Variants in LACTB observed in about 807,000 individuals in gnomAD.
LACTB encodes lactamase beta, also known as serine beta-lactamase-like protein LACTB, mitochondrial.
LACTB carries 35 observed loss-of-function variants against 50.2 expected under a neutral mutation model. The ratio of observed to expected loss-of-function variants is 0.70; its 90% confidence interval spans 0.53 to 0.92. The LOEUF (loss-of-function observed/expected upper bound fraction) is 0.92. Ranked by LOEUF, LACTB falls within the 40% of genes least tolerant of loss-of-function variation. The pLI, the probability that LACTB is intolerant of heterozygous loss-of-function variation, is 0.00. For missense variants in LACTB, 664 were observed against 691.8 expected (o/e 0.96, Z 0.45); for synonymous variants, 252 against 268.2 (o/e 0.94, Z 0.59).
chr15:63,122,137 C>G lies in LACTB; in HGVS notation c.266C>G (p.Ala89Gly), dbSNP rs1566988427. 13 of 1,500,374 alleles carry G rather than the reference C, an allele frequency of 8.7e-6. No individual in the cohort carries two copies. Among genetic ancestry groups the G allele is most frequent in the Non-Finnish European group, 1.1e-5 (13 of 1,132,636 alleles). 92.9% of individuals were successfully genotyped at this position (1,500,374 alleles called of 1,614,324 possible). The change falls in exon 1 of 6, where the codon GCC becomes GGC. Residue 89 changes from alanine (A) to glycine (G), a missense_variant. Transcript: ENST00000261893. ...LAEPPQEQSL[A>G]PWSPQTPAPP... is the part of the protein sequence containing the mutation. Reference sequence around the variant, plus strand: ...GAGCCGCCACAGGAGCAGTCCCTCGCCCCGTGGTCTCCGCAGACCCCGGCG... The same window carrying G: ...GAGCCGCCACAGGAGCAGTCCCTCGGCCCGTGGTCTCCGCAGACCCCGGCG...
intron 5 of LACTB, among the ~76,000 whole-genome samples, chr15:63,135,328 G>C (rs1026167004): frequency 1.3e-5 from 2 of 152,150 alleles, no homozygotes; most frequent in African/African-American, 4.8e-5. Flanking sequence ...ATTTCTTGGG[G>C]ACCCAAAATA....
At chr15:63,122,397 T>G (rs1411947639) in intron 1 of LACTB, among the ~76,000 whole-genome samples, 169 bp downstream of exon 1, 2 of 152,036 alleles carry the variant, frequency 1.3e-5, no homozygotes, top group Non-Finnish European at 2.9e-5. Flanking sequence ...CTCTTGGGGG[T>G]TCCCCAAATC....
chr15:63,129,988 T>G (rs1244915920), intron 5 of LACTB: 1 of 168,320 alleles, frequency 5.9e-6, no homozygotes, highest in African/African-American at 2.4e-5. Flanking sequence ...AGTTTTTAAT[T>G]GTTTTCATAC....
intron 5 of LACTB, among the ~76,000 whole-genome samples, chr15:63,138,861 G>C (rs905878579): frequency 1.3e-5 from 2 of 151,062 alleles, no homozygotes; most frequent in Admixed American, 1.3e-4. Context: ...CCAACATAGG[G>C]AAACCCCGTT....
At position 63,141,279 on chromosome 15, in the gene LACTB, G is replaced by T; in HGVS notation, c.1119-1G>T. On this transcript the variant is annotated splice_acceptor_variant, in intron 5 of 5. Transcript: ENST00000261893. LOFTEE classifies it high-confidence loss of function. ...CATGATCATTTCTTATTTCCTTTTA[G>T]ATTTTATGTTTACAATAAAAAGAAA... is the stretch of plus-strand genomic sequence containing the variant. 6.3e-7 allele frequency: 1 copy of T among 1,583,332 alleles called. No homozygotes were observed. The highest frequency in any genetic ancestry group is 1.1e-5 in the South Asian group (1 of 87,458).
rs138877742 is a variant in LACTB at position 63,128,541 on chromosome 15, T to C, written c.952+852T>C. 3.2e-3 allele frequency among the ~76,000 whole-genome samples: 482 copies of C among 152,270 alleles called. 3 individuals are homozygous for C. Among genetic ancestry groups the C allele is most frequent in the East Asian group, 0.013 (65 of 5,182 alleles). ...CCCTGAGCCCAGGAGTTCAAAGTTGTAGTGGGTTGTGATCATACCACTTTA... is the reference window on the plus strand; with the variant it reads ...CCCTGAGCCCAGGAGTTCAAAGTTGCAGTGGGTTGTGATCATACCACTTTA... On this transcript the variant is annotated intron_variant, in intron 4 of 5. Transcript: ENST00000261893.
Position 63,122,000 on chromosome 15 carries a change from C to CCTCGGG in LACTB, c.132_137dup (p.Gly49_Leu50dup). ...CTCTCGGCCACGGCTGGGTCGGGGG[C>CCTCGGG]CTCGGGCTGGGGCTGGGGCTGGCGC... is the stretch of plus-strand genomic sequence containing the variant. On this transcript the variant is annotated inframe_insertion, in exon 1 of 6. Coordinates refer to ENST00000261893, the MANE Select transcript of LACTB (RefSeq NM_032857.5). The CCTCGGG allele has an allele frequency of 1.5e-6, 2 of 1,369,098 alleles. No homozygotes were observed. Among genetic ancestry groups the CCTCGGG allele is most frequent in the Non-Finnish European group, 1.9e-6 (2 of 1,069,700 alleles). The allele number at this position is 1,369,098 out of a possible 1,614,324, so 84.8% of individuals were successfully genotyped here. A position where few individuals can be genotyped will look rare whatever the true frequency, so the allele number is the denominator to read the frequency against.
At chr15:63,126,334 G>T (rs960109320) in intron 2 of LACTB, among the ~76,000 whole-genome samples, 9 of 152,058 alleles carry the variant, frequency 5.9e-5, no homozygotes, top group African/African-American at 9.7e-5. Context: ...TAGAGACGGG[G>T]TTTTACCATG....
chr15:63,127,419 A>G lies in LACTB; in HGVS notation c.682A>G (p.Lys228Glu), dbSNP rs772125791. 3.4e-5 allele frequency: 54 copies of G among 1,600,826 alleles called. No homozygotes were observed. The East Asian group carries it at 1.1e-3, about 34-fold the overall frequency. Residue 228 changes from lysine (K) to glutamate (E), a missense_variant, in exon 4 of 6, where the codon AAA becomes GAA. Physicochemically the swap from Lys to Glu is moderately conservative, Grantham distance 56 (BLOSUM62 1). Coordinates refer to ENST00000261893, the MANE Select transcript of LACTB (RefSeq NM_032857.5). ...AATTCGTCATTATGAAAAGGACATA[A>G]AAAAGGTGAAAGAAGAGAAAGCTTA... ...SGIRHYEKDI[K>E]KVKEEKAYKA...
chr15:63,139,348 T>A (rs1056740618), intron 5 of LACTB, among the ~76,000 whole-genome samples: 3 of 147,848 alleles, frequency 2.0e-5, no homozygotes, highest in Non-Finnish European at 4.4e-5. Flanking sequence ...AGAGCAAGAC[T>A]CAGTGTCAAA....
Position 63,141,649 on chromosome 15 carries a change from G to A in LACTB, c.1488G>A (p.Leu496=), listed in dbSNP as rs779582277. Reference sequence around the variant, plus strand: ...GGGCAGTGGGTGCCAGTAGTGTCCTGCTGGTCCTTCCTGAAGAACTGGATA... The same window carrying A: ...GGGCAGTGGGTGCCAGTAGTGTCCTACTGGTCCTTCCTGAAGAACTGGATA... ...TGGAVGASSV[L]LVLPEELDTE... is the part of the protein sequence containing the mutation. Residue 496 remains leucine (L), a synonymous_variant, in exon 6 of 6, where the codon CTG becomes CTA. Transcript: ENST00000261893. 6.2e-7 allele frequency: 1 copy of A among 1,614,186 alleles called. No homozygotes were observed. The highest frequency in any genetic ancestry group is 8.5e-7 in the Non-Finnish European group (1 of 1,180,038).
Position 63,129,633 on chromosome 15 carries a change from G to C in LACTB, c.1101G>C (p.Val367=). The change falls in exon 5 of 6, where the codon GTG becomes GTC. Residue 367 remains valine (V), a synonymous_variant. Coordinates refer to ENST00000261893, the MANE Select transcript of LACTB (RefSeq NM_032857.5). ...CTGTGCAGGAAGAAAACGAGCCAGT[G>C]ATTTACAATAGAGCAAGGTAAATGA... ...LTTVQEENEP[V]IYNRARFYVY... The C allele has an allele frequency of 6.2e-7, 1 of 1,606,252 alleles. No homozygotes were observed. Among genetic ancestry groups the C allele is most frequent in the South Asian group, 1.1e-5 (1 of 89,432 alleles).
Position 63,141,062 on chromosome 15 carries a change from T to C in LACTB, c.1119-218T>C, listed in dbSNP as rs80201636. 1.5e-3 allele frequency: 1,495 copies of C among 984,400 alleles called. 12 individuals are homozygous for C. The African/African-American group carries it at 0.024, about 16-fold the overall frequency. 61.0% of individuals were successfully genotyped at this position (984,400 alleles called of 1,614,324 possible). On this transcript the variant is annotated intron_variant, in intron 5 of 5. Transcript: ENST00000261893. ...ATACCAATAGAAAAAAACCACTTTC[T>C]ATGCTTTAATTCAAAAGGTAATTAG...
rs1430318795 is a variant in LACTB at position 63,122,705 on chromosome 15, G to A, written c.424+3G>A. The A allele has an allele frequency of 1.2e-6, 2 of 1,608,804 alleles. No homozygotes were observed. The highest frequency in any genetic ancestry group is 3.3e-5 in the Admixed American group (2 of 59,998). ...TGGAAAAGAAGTCTGGTCAGAAGGT[G>A]GGTTCAGAAAATTGTTGTTTTGTTC... On this transcript the variant is annotated splice_donor_region_variant and intron_variant, in intron 2 of 5. Transcript: ENST00000261893.
intron 2 of LACTB, among the ~76,000 whole-genome samples, 175 bp from the exon 3 acceptor site, chr15:63,126,684 C>T (rs1043788949): frequency 1.3e-5 from 2 of 152,024 alleles, no homozygotes; most frequent in Non-Finnish European, 2.9e-5. Context: ...TTAGGCTTAC[C>T]GATATACTAA....
chr15:63,139,588 G>A (rs2037209261), intron 5 of LACTB, among the ~76,000 whole-genome samples: 1 of 152,108 alleles, frequency 6.6e-6, no homozygotes, highest in African/African-American at 2.4e-5. Flanking sequence ...GGGAAGTGGA[G>A]GTTGCAGTGA....
At chr15:63,139,374 C>T (rs2037206716) in intron 5 of LACTB, among the ~76,000 whole-genome samples, 6 of 150,980 alleles carry the variant, frequency 4.0e-5, no homozygotes, top group Admixed American at 4.0e-4. Context: ...ATAAATAGGC[C>T]GGGCATGGTG....
At chr15:63,133,031 T>G (rs1451155989) in intron 5 of LACTB, among the ~76,000 whole-genome samples, 1 of 152,184 alleles carries the variant, frequency 6.6e-6, no homozygotes, top group East Asian at 1.9e-4. Context: ...TGAAGTTACT[T>G]ACGTAAATTT....
chr15:63,135,593 G>A (rs994164588), intron 5 of LACTB, among the ~76,000 whole-genome samples: 2 of 152,120 alleles, frequency 1.3e-5, no homozygotes, highest in Non-Finnish European at 2.9e-5. Context: ...GGTGGCATGC[G>A]CCTGTAGTCC....
Sources: gnomAD v4.1 joint callset for allele counts (sites outside exome capture counted in the v4.1 genomes callset) on GRCh38, gnomAD v4.1.1 for gene constraint, MANE v1.5 for transcripts, NCBI Gene and HGNC (gene_info 2026-07-23, HGNC 2026-07-21) for gene names.